VTI1A: variants seen among roughly 807,000 people sequenced by gnomAD.
VTI1A encodes the protein vesicle transport through interaction with t-SNAREs homolog 1A.
Under a neutral mutation model 34.9 loss-of-function variants are expected in VTI1A, and 22 were observed. The ratio of observed to expected loss-of-function variants is 0.63; its 90% CI spans 0.45 to 0.90. The LOEUF is 0.90. VTI1A is among the 40% of genes least tolerant of loss of function. VTI1A has a pLI of 0.00. For synonymous variants in VTI1A, 87 were observed against 97.3 expected (o/e 0.89, Z 0.62); for missense variants, 268 against 275.6 (o/e 0.97, Z 0.20).
chr10:112,688,877 C>T (rs1848522236), intron 7 of VTI1A, among the ~76,000 whole-genome samples: 2 of 151,990 alleles, frequency 1.3e-5, no homozygotes, highest in Non-Finnish European at 2.9e-5. Context: ...TAGTTATTGT[C>T]AGTAGTGGGT....
intron 7 of VTI1A, among the ~76,000 whole-genome samples, chr10:112,698,555 C>G (rs148523257): frequency 8.4e-4 from 128 of 152,302 alleles, no homozygotes; most frequent in African/African-American, 3.0e-3. Context: ...TGCTTAGCAA[C>G]ACTGGATTAG....
At position 112,600,367 on chromosome 10, in the gene VTI1A, G is replaced by A. The variant is rs112400270; in HGVS notation, c.427+62037G>A. On this transcript the variant is annotated intron_variant, in intron 5 of 7. Transcript: ENST00000393077. ...CCCATCATATTTAGCATAAAATCTCGTCTTTAACGTGGTCCACAAGGCCTT... is the reference window on the plus strand; with the variant it reads ...CCCATCATATTTAGCATAAAATCTCATCTTTAACGTGGTCCACAAGGCCTT... Among the ~76,000 whole-genome samples the A allele has an allele frequency of 8.1e-3, 1,238 of 152,180 alleles. 7 individuals carry two copies. The highest frequency in any genetic ancestry group is 0.017 in the Middle Eastern group (5 of 294).
intron 3 of VTI1A, among the ~76,000 whole-genome samples, chr10:112,496,854 T>A (rs1849043284): frequency 6.6e-6 from 1 of 152,204 alleles, no homozygotes; most frequent in Admixed American, 6.5e-5. Flanking sequence ...TTTTTATACC[T>A]CTTTTCTTTC....
rs141117130 is a variant in VTI1A at position 112,668,275 on chromosome 10, G to A, written c.485G>A (p.Arg162Gln). Residue 162 changes from arginine (R) to glutamine (Q), a missense_variant, in exon 6 of 8, where the codon CGA becomes CAA. Arg to Gln is a conservative substitution (Grantham distance 43, BLOSUM62 1). Coordinates refer to ENST00000393077, the MANE Select transcript of VTI1A (RefSeq NM_145206.4). ...NLSHDREKIQ[R>Q]ARERLRETDA... Reference sequence around the variant, plus strand: ...AGTCATGACAGAGAAAAGATACAGCGAGCACGTGAAAGAGTAAGTACAATT... The same window carrying A: ...AGTCATGACAGAGAAAAGATACAGCAAGCACGTGAAAGAGTAAGTACAATT... The A allele has an allele frequency of 2.0e-5, 32 of 1,612,326 alleles. No individual in the cohort carries two copies. Among genetic ancestry groups the A allele is most frequent in the African/African-American group, 6.7e-5 (5 of 74,818 alleles).
intron 5 of VTI1A, among the ~76,000 whole-genome samples, chr10:112,546,837 A>G (rs1332283098): frequency 6.6e-6 from 1 of 152,184 alleles, no homozygotes. Context: ...TATTTGTTGT[A>G]GAATTGATAG....
chr10:112,782,430 C>G (rs1281127460), intron 7 of VTI1A, among the ~76,000 whole-genome samples: 1 of 152,276 alleles, frequency 6.6e-6, no homozygotes, highest in Admixed American at 6.5e-5. Flanking sequence ...TGCTCTTTCT[C>G]CTTGAGGAGA....
At chr10:112,498,385 A>C (rs568203123) in intron 3 of VTI1A, among the ~76,000 whole-genome samples, 14 of 152,206 alleles carry the variant, frequency 9.2e-5, no homozygotes, top group Admixed American at 3.9e-4. Flanking sequence ...TTTTGTTTGA[A>C]GTTGGATACT....
At chr10:112,677,299 C>T (rs1848067481) in intron 7 of VTI1A, among the ~76,000 whole-genome samples, 1 of 152,124 alleles carries the variant, frequency 6.6e-6, no homozygotes, top group African/African-American at 2.4e-5. Context: ...GGTGAATTAC[C>T]TCATTCTCCC....
chr10:112,635,304 T>C (rs1341234014), intron 5 of VTI1A, among the ~76,000 whole-genome samples: 3 of 152,210 alleles, frequency 2.0e-5, no homozygotes, highest in Non-Finnish European at 4.4e-5. Flanking sequence ...GCAGAATTCA[T>C]GGCAGATGTA....
chr10:112,815,330 A>G lies in VTI1A; in HGVS notation c.601A>G (p.Ile201Val). ...CATCCTGCTCGTCATCCTAGGGATC[A>G]TCGTGGTCATCACCATCCTGATGGC... is the stretch of plus-strand genomic sequence containing the variant. ...NRILLVILGI[I>V]VVITILMAIT... is the part of the protein sequence containing the mutation. The change falls in exon 8 of 8, where the codon ATC (isoleucine) becomes GTC (valine). Residue 201 changes from isoleucine to valine, a missense_variant. Transcript: ENST00000393077. 2 of 1,614,082 alleles carry G rather than the reference A, an allele frequency of 1.2e-6. No homozygotes were observed. Among genetic ancestry groups the G allele is most frequent in the South Asian group, 1.1e-5 (1 of 91,070 alleles).
chr10:112,650,399 T>C (rs1475766322), intron 5 of VTI1A, among the ~76,000 whole-genome samples: 2 of 152,194 alleles, frequency 1.3e-5, no homozygotes, highest in Non-Finnish European at 2.9e-5. Flanking sequence ...TCTCCTATGA[T>C]AACAATGCCT....
At chr10:112,486,347 T>A (rs527848022) in intron 3 of VTI1A, among the ~76,000 whole-genome samples, 1 of 152,306 alleles carries the variant, frequency 6.6e-6, no homozygotes, top group East Asian at 1.9e-4. Flanking sequence ...AAAATGGAAA[T>A]AATGATACTT....
intron 7 of VTI1A, among the ~76,000 whole-genome samples, chr10:112,792,030 C>T (rs1278580334): frequency 6.6e-6 from 1 of 152,140 alleles, no homozygotes; most frequent in African/African-American, 2.4e-5. Context: ...AATCCCAGCA[C>T]TTTGGAAGGC....
intron 7 of VTI1A, among the ~76,000 whole-genome samples, chr10:112,696,485 A>G (rs897530422): frequency 3.3e-5 from 5 of 152,228 alleles, no homozygotes; most frequent in Admixed American, 1.3e-4. Context: ...TCTACATTCT[A>G]TATCCATTTT....
intron 7 of VTI1A, among the ~76,000 whole-genome samples, chr10:112,704,221 A>T (rs759092269): frequency 1.3e-5 from 2 of 152,220 alleles, no homozygotes; most frequent in South Asian, 4.1e-4. Context: ...ACCAGTTTAA[A>T]TATTTAAAGT....
intron 7 of VTI1A, among the ~76,000 whole-genome samples, chr10:112,769,746 C>G (rs1159264213): frequency 6.6e-6 from 1 of 152,150 alleles, no homozygotes; most frequent in Non-Finnish European, 1.5e-5. Flanking sequence ...ACCTCTTTTA[C>G]CTTCCTGTTG....
rs1045673186 is a variant in VTI1A, at chr10:112,816,191, G to A, written c.*808G>A. 2.3e-5 allele frequency: 5 copies of A among 217,120 alleles called. No individual in the cohort carries two copies. The highest frequency in any genetic ancestry group is 5.8e-5 in the Admixed American group (1 of 17,184). 13.4% of individuals were successfully genotyped at this position (217,120 alleles called of 1,614,324 possible). On this transcript the variant is annotated 3_prime_UTR_variant, in exon 8 of 8. Coordinates refer to ENST00000393077, the MANE Select transcript of VTI1A (RefSeq NM_145206.4). ...TGTGTAAGCATCTCTGTATCCTTTCGGTTTTAATATCTGCACTGCCAAAAG... is the reference window on the plus strand; with the variant it reads ...TGTGTAAGCATCTCTGTATCCTTTCAGTTTTAATATCTGCACTGCCAAAAG...
chr10:112,748,431 C>A (rs1212825648), intron 7 of VTI1A, among the ~76,000 whole-genome samples: 2 of 152,110 alleles, frequency 1.3e-5, no homozygotes, highest in Non-Finnish European at 2.9e-5. Context: ...CACATGTTGT[C>A]ACATTACCTG....
chr10:112,757,128 G>GC lies in VTI1A; in HGVS notation c.561-58161dup, dbSNP rs1202428200. Among the ~76,000 whole-genome samples the GC allele has an allele frequency of 4.0e-5, 6 of 151,746 alleles. No individual in the cohort carries two copies. In the East Asian group the frequency reaches 1.2e-3, roughly 29 times the overall value. ...GGCAGCCAAGTGTAGGCCTCCATTA[G>GC]CTACTGTAGGTACAAGGGTGACCAA... On this transcript the variant is annotated intron_variant, in intron 7 of 7. Coordinates refer to ENST00000393077, the MANE Select transcript of VTI1A (RefSeq NM_145206.4).
Sources: allele counts gnomAD v4.1 joint callset (sites outside exome capture counted in the v4.1 genomes callset), GRCh38; gene constraint gnomAD v4.1.1; transcripts MANE v1.5; gene names NCBI Gene and HGNC (gene_info 2026-07-23, HGNC 2026-07-21).